Variants in APP observed in about 807,000 individuals in gnomAD.
APP encodes the protein amyloid-beta precursor protein.
In APP, 31 loss-of-function variants were observed where a neutral mutation model predicts 101.4. The ratio of observed to expected loss-of-function variants is 0.31; its 90% CI spans 0.23 to 0.41. APP has a LOEUF of 0.41. Ranked by LOEUF, APP falls within the 10% of genes least tolerant of loss-of-function variation. APP has a pLI of 1.00. For missense variants in APP, 839 were observed against 1,003.7 expected, an observed-to-expected ratio of 0.84 and a Z score of 2.22; for synonymous variants, 366 against 364.4, an observed-to-expected ratio of 1.00 and a Z score of -0.05.
intron 11 of APP, among the ~76,000 whole-genome samples, chr21:25,957,895 G>T (rs2146501527): frequency 6.6e-6 from 1 of 152,052 alleles, no homozygotes; most frequent in South Asian, 2.1e-4. Flanking sequence ...TGGTCAGGAG[G>T]ATTATTTGAA....
At chr21:25,980,824 T>C (rs1475055949) in intron 9 of APP, among the ~76,000 whole-genome samples, 1 of 152,182 alleles carries the variant, frequency 6.6e-6, no homozygotes, top group African/African-American at 2.4e-5. Context: ...AGTTTGTTAC[T>C]CAGCTCCCAA....
chr21:26,137,780 CAT>C (rs2062952585), intron 1 of APP, among the ~76,000 whole-genome samples: 1 of 152,102 alleles, frequency 6.6e-6, no homozygotes, highest in Non-Finnish European at 1.5e-5. Flanking sequence ...CTTAGCACAA[CAT>C]AAAAATATTC....
chr21:26,085,585 T>G (rs890358186), intron 3 of APP, among the ~76,000 whole-genome samples: 4 of 152,242 alleles, frequency 2.6e-5, no homozygotes, highest in Non-Finnish European at 5.9e-5. Context: ...CATCGCCATC[T>G]TTAAAGTTTG....
chr21:26,055,859 C>T (rs2046021041), intron 3 of APP, among the ~76,000 whole-genome samples: 1 of 137,760 alleles, frequency 7.3e-6, no homozygotes, highest in African/African-American at 2.5e-5. Flanking sequence ...ATACACTCGA[C>T]CTTGGCCTGC....
intron 3 of APP, among the ~76,000 whole-genome samples, chr21:26,068,667 C>T (rs898586261): frequency 2.0e-5 from 3 of 152,172 alleles, no homozygotes; most frequent in Admixed American, 6.5e-5. Context: ...CTGAACTTGG[C>T]CCACTTTTCT....
intron 8 of APP, among the ~76,000 whole-genome samples, chr21:25,991,313 GA>G (rs1165315364): frequency 1.3e-5 from 2 of 151,320 alleles, no homozygotes; most frequent in African/African-American, 4.9e-5. Context: ...AAAGCTATTG[GA>G]AAAAAAATAA....
chr21:25,972,704 A>G (rs141613360), intron 11 of APP, among the ~76,000 whole-genome samples: 84 of 152,262 alleles, frequency 5.5e-4, no homozygotes, highest in African/African-American at 1.8e-3. Flanking sequence ...CCCAGTCTCT[A>G]AGACATTTTA....
chr21:26,008,104 C>T (rs114813105), intron 6 of APP, among the ~76,000 whole-genome samples: 597 of 152,284 alleles, frequency 3.9e-3, no homozygotes, highest in African/African-American at 0.014. Flanking sequence ...AGAAGATATC[C>T]GCAGTTGGCT....
chr21:26,029,666 G>A (rs1440984052), intron 5 of APP, among the ~76,000 whole-genome samples: 1 of 152,148 alleles, frequency 6.6e-6, no homozygotes, highest in East Asian at 1.9e-4. Context: ...AACAGAAAGT[G>A]GGCTCCAAGA....
chr21:26,059,760 G>C (rs935373725), intron 3 of APP, among the ~76,000 whole-genome samples: 3 of 151,936 alleles, frequency 2.0e-5, no homozygotes, highest in Admixed American at 2.0e-4. Context: ...GCGTGGTGGT[G>C]CATGCCTGTA....
intron 6 of APP, among the ~76,000 whole-genome samples, chr21:26,018,159 C>T (rs990897406): frequency 6.6e-6 from 1 of 152,106 alleles, no homozygotes; most frequent in Admixed American, 6.5e-5. Flanking sequence ...CCATTTCTTT[C>T]CGGTTTTAAC....
intron 5 of APP, among the ~76,000 whole-genome samples, chr21:26,028,938 G>T (rs761932914): frequency 2.0e-5 from 3 of 152,140 alleles, no homozygotes; most frequent in Non-Finnish European, 4.4e-5. Flanking sequence ...TTTCAAACAG[G>T]GTGGTCAGGG....
At chr21:25,979,599 A>G (rs1198013978) in intron 9 of APP, among the ~76,000 whole-genome samples, 1 of 152,216 alleles carries the variant, frequency 6.6e-6, no homozygotes. Context: ...CTTAGGTTAT[A>G]TCAGATATAT....
At chr21:26,099,884 C>T (rs142271808) in intron 2 of APP, among the ~76,000 whole-genome samples, 6 of 152,352 alleles carry the variant, frequency 3.9e-5, no homozygotes, top group African/African-American at 1.2e-4. Context: ...CGGTAAAATG[C>T]TGCAGGGCGT....
At chr21:25,972,904 CAG>C (rs149414272) in intron 11 of APP, among the ~76,000 whole-genome samples, 10 of 150,366 alleles carry the variant, frequency 6.7e-5, no homozygotes, top group Admixed American at 2.0e-4. Context: ...CAACCGCTTA[CAG>C]AGAGAGAGAG....
intron 15 of APP, among the ~76,000 whole-genome samples, chr21:25,904,204 C>T (rs887431361): frequency 5.3e-5 from 8 of 152,194 alleles, no homozygotes; most frequent in African/African-American, 1.9e-4. Context: ...TAACTTTCTT[C>T]CTCTTTTTGA....
intron 11 of APP, among the ~76,000 whole-genome samples, chr21:25,969,859 G>GAA (rs1404909393): frequency 3.9e-5 from 1 of 25,864 alleles, no homozygotes; most frequent in African/African-American, 1.6e-4. Context: ...GAAAACAAAA[G>GAA]AAAAGAAAAG....
chr21:25,986,750 C>T (rs945263107), intron 8 of APP, among the ~76,000 whole-genome samples: 1 of 152,108 alleles, frequency 6.6e-6, no homozygotes, highest in African/African-American at 2.4e-5. Flanking sequence ...CATGTTGGCA[C>T]TCCGTCTCAA....
At chr21:25,924,430 A>G (rs1320894646) in intron 13 of APP, among the ~76,000 whole-genome samples, 1 of 84,700 alleles carries the variant, frequency 1.2e-5, no homozygotes, top group African/African-American at 4.6e-5. Flanking sequence ...AAAAAAAAGG[A>G]AAAAAAAAAA....
Sources: gnomAD v4.1 joint callset for allele counts (sites outside exome capture counted in the v4.1 genomes callset) on GRCh38, gnomAD v4.1.1 for gene constraint, MANE v1.5 for transcripts, NCBI Gene and HGNC (gene_info 2026-07-23, HGNC 2026-07-21) for gene names.